GRIN2A: variants seen among roughly 807,000 people sequenced by gnomAD.
The protein encoded by GRIN2A is glutamate receptor ionotropic, NMDA 2A.
GRIN2A carries 22 observed loss-of-function variants against 113.4 expected under a neutral mutation model. The observed-to-expected ratio is 0.19, with a 90% CI of 0.14 to 0.28. The LOEUF (loss-of-function observed/expected upper bound fraction) is 0.28. GRIN2A is among the 10% of genes least tolerant of loss of function. The probability of loss-of-function intolerance (pLI) is 1.00; values close to 1 mark genes in which losing one functional copy is unlikely to be tolerated. For missense variants in GRIN2A, 1,502 were observed against 1,887.0 expected (o/e 0.80, Z 3.78); for synonymous variants, 827 against 738.4 (o/e 1.12, Z -1.94).
chr16:9,951,275 TC>T (rs529435763), intron 2 of GRIN2A, among the ~76,000 whole-genome samples: 2 of 152,006 alleles, frequency 1.3e-5, no homozygotes, highest in Admixed American at 6.6e-5. Context: ...CGCAAATCAC[TC>T]CCCCCACTGA....
Position 10,146,824 on chromosome 16 carries a change from A to T in GRIN2A, c.414+33174T>A, listed in dbSNP as rs74629149. On this transcript the variant is annotated intron_variant, in intron 2 of 12. Transcript: ENST00000330684. Reference sequence around the variant, plus strand: ...GTCCACTTGCTTTTGGAGAAACTACATAAGCAACATTCCCAAGCAGATGAG... The same window carrying T: ...GTCCACTTGCTTTTGGAGAAACTACTTAAGCAACATTCCCAAGCAGATGAG... 5.5e-3 allele frequency among the ~76,000 whole-genome samples: 830 copies of T among 152,004 alleles called. 4 individuals are homozygous for T. The highest frequency in any genetic ancestry group is 0.01 in the Non-Finnish European group (682 of 67,986).
chr16:10,050,046 AAT>A (rs1296024823), intron 2 of GRIN2A, among the ~76,000 whole-genome samples: 1 of 152,210 alleles, frequency 6.6e-6, no homozygotes, highest in Admixed American at 6.5e-5. Flanking sequence ...AGAACCTGTG[AAT>A]ATGTTAACTT....
intron 2 of GRIN2A, among the ~76,000 whole-genome samples, chr16:10,104,194 C>A (rs754841466): frequency 1.3e-5 from 2 of 152,156 alleles, no homozygotes; most frequent in African/African-American, 4.8e-5. Context: ...AGAAACTATT[C>A]GACGTATTCA....
intron 2 of GRIN2A, among the ~76,000 whole-genome samples, chr16:9,952,716 T>C (rs908085722): frequency 6.6e-6 from 1 of 152,130 alleles, no homozygotes; most frequent in African/African-American, 2.4e-5. Flanking sequence ...TGTTCATTGA[T>C]CCCAAGTACA....
rs117409704 is a variant in GRIN2A at position 10,124,238 on chromosome 16, G to C, written c.414+55760C>G. On this transcript the variant is annotated intron_variant, in intron 2 of 12. Transcript: ENST00000330684. ...ATAGGGAAAAAAGAGCACAGGTCAG[G>C]TGGCCCAGGGAGCAAACTGACCTGT... Among the ~76,000 whole-genome samples, 41 of 152,286 alleles carry C rather than the reference G, an allele frequency of 2.7e-4. No homozygotes were observed. The East Asian group carries it at 5.8e-3, about 22-fold the overall frequency.
At chr16:9,814,169 C>G (rs1001791605) in intron 10 of GRIN2A, among the ~76,000 whole-genome samples, 19 of 152,124 alleles carry the variant, frequency 1.2e-4, no homozygotes, top group Middle Eastern at 3.2e-3. Context: ...GATATGTACT[C>G]TATAATATAT....
intron 2 of GRIN2A, among the ~76,000 whole-genome samples, chr16:10,060,165 T>C (rs1196655736): frequency 6.6e-6 from 1 of 151,882 alleles, no homozygotes; most frequent in African/African-American, 2.4e-5. Flanking sequence ...TCCTTGCATA[T>C]AGAACAGAGA....
intron 3 of GRIN2A, among the ~76,000 whole-genome samples, chr16:9,916,886 G>A (rs1387456138): frequency 6.6e-6 from 1 of 152,154 alleles, no homozygotes; most frequent in African/African-American, 2.4e-5. Context: ...GCATCCTTTT[G>A]GCAGCTACTG....
chr16:9,863,634 A>G (rs1307538943), intron 4 of GRIN2A, among the ~76,000 whole-genome samples: 2 of 152,186 alleles, frequency 1.3e-5, no homozygotes, highest in African/African-American at 4.8e-5. Flanking sequence ...CAATTAGGTA[A>G]TTTGGGGGTT....
At chr16:10,092,328 T>A (rs1164135992) in intron 2 of GRIN2A, among the ~76,000 whole-genome samples, 1 of 152,224 alleles carries the variant, frequency 6.6e-6, no homozygotes, top group Non-Finnish European at 1.5e-5. Flanking sequence ...GTCTCTACAC[T>A]GAATTATAAA....
At chr16:10,115,939 T>C (rs1336190314) in intron 2 of GRIN2A, among the ~76,000 whole-genome samples, 1 of 152,140 alleles carries the variant, frequency 6.6e-6, no homozygotes, top group East Asian at 1.9e-4. Context: ...GAACCAGAAA[T>C]ACCATTTGAC....
At chr16:10,087,478 C>G (rs926225321) in intron 2 of GRIN2A, among the ~76,000 whole-genome samples, 1 of 152,166 alleles carries the variant, frequency 6.6e-6, no homozygotes, top group Admixed American at 6.5e-5. Context: ...GAAAGGAGCC[C>G]TCCGTCAGTC....
At chr16:10,013,446 A>C (rs912500997) in intron 2 of GRIN2A, among the ~76,000 whole-genome samples, 9 of 152,144 alleles carry the variant, frequency 5.9e-5, no homozygotes, top group Non-Finnish European at 1.0e-4. Context: ...AGCACAGCTA[A>C]TTTCTCTCTC....
chr16:10,117,060 T>C (rs1007670807), intron 2 of GRIN2A, among the ~76,000 whole-genome samples: 2 of 118,480 alleles, frequency 1.7e-5, no homozygotes, highest in Admixed American at 1.6e-4. Flanking sequence ...CTCAAGTGAC[T>C]GAAAAAAAAA....
intron 2 of GRIN2A, among the ~76,000 whole-genome samples, chr16:9,969,009 T>C (rs905435831): frequency 6.6e-6 from 1 of 152,196 alleles, no homozygotes; most frequent in Admixed American, 6.5e-5. Context: ...GCAATCAATA[T>C]AAAAATTATT....
intron 4 of GRIN2A, among the ~76,000 whole-genome samples, chr16:9,888,844 T>C (rs1596543400): frequency 6.6e-6 from 1 of 152,138 alleles, no homozygotes. Flanking sequence ...AAATGCTTTT[T>C]CCGCATCTAT....
intron 9 of GRIN2A, among the ~76,000 whole-genome samples, chr16:9,828,970 T>C (rs890547870): frequency 6.6e-6 from 1 of 152,196 alleles, no homozygotes; most frequent in Non-Finnish European, 1.5e-5. Context: ...GATAATTTTG[T>C]CTCTGGGTAG....
intron 11 of GRIN2A, among the ~76,000 whole-genome samples, chr16:9,793,659 A>G (rs1431533351): frequency 6.6e-6 from 1 of 152,084 alleles, no homozygotes; most frequent in Non-Finnish European, 1.5e-5. Context: ...TGTTTTCTTT[A>G]TGAATCATTC....
chr16:10,005,072 AGT>A (rs2046382926), intron 2 of GRIN2A, among the ~76,000 whole-genome samples: 2 of 152,362 alleles, frequency 1.3e-5, no homozygotes, highest in African/African-American at 4.8e-5. Context: ...GAATTTACAA[AGT>A]TTTGAGGCTA....
Sources: allele counts gnomAD v4.1 joint callset (sites outside exome capture counted in the v4.1 genomes callset), GRCh38; gene constraint gnomAD v4.1.1; transcripts MANE v1.5; gene names NCBI Gene and HGNC (gene_info 2026-07-23, HGNC 2026-07-21).